Variants in SLC38A8 observed in about 807,000 individuals in gnomAD.
SLC38A8 encodes solute carrier family 38 member 8.
A neutral mutation model predicts 46.0 loss-of-function variants in SLC38A8; 65 were observed. The observed-to-expected ratio is 1.41, with a 90% confidence interval of 1.16 to 1.74. The LOEUF is 1.74. Ranked by LOEUF, SLC38A8 falls within the 40% of genes most tolerant of loss-of-function variation. SLC38A8 has a pLI of 0.00. For missense variants in SLC38A8, 998 were observed against 567.9 expected, an observed-to-expected ratio of 1.76 and a Z score of -7.70; for synonymous variants, 447 against 243.7, an observed-to-expected ratio of 1.83 and a Z score of -7.77.
chr16:84,017,772 G>A (rs530678357), intron 7 of SLC38A8, among the ~76,000 whole-genome samples: 1 of 152,306 alleles, frequency 6.6e-6, no homozygotes, highest in East Asian at 1.9e-4. Flanking sequence ...CGCCAACAGG[G>A]TGACACTGCT....
chr16:84,036,798 G>T lies in SLC38A8; in HGVS notation c.292C>A (p.Pro98Thr). ...GCCTCACACAGCTTCCCAATGGCAGGGCCACACAGCCCCCTGACCACACCC... is the reference window on the plus strand; with the variant it reads ...GCCTCACACAGCTTCCCAATGGCAGTGCCACACAGCCCCCTGACCACACCC... ...YQGVVRGLCGPAIGKLCEACF... is the reference protein window; with the variant it reads ...YQGVVRGLCGTAIGKLCEACF... Residue 98 changes from proline (P) to threonine (T), a missense_variant, in exon 3 of 11, where the codon CCT (proline) becomes ACT (threonine). Transcript: ENST00000299709. 6.2e-7 allele frequency: 1 copy of T among 1,614,136 alleles called. No individual in the cohort carries two copies. The highest frequency in any genetic ancestry group is 8.5e-7 in the Non-Finnish European group (1 of 1,180,024).
chr16:84,033,555 G>A, intron 3 of SLC38A8, 86 bp from the exon 4 acceptor site: 2 of 1,462,118 alleles, frequency 1.4e-6, no homozygotes, highest in Non-Finnish European at 1.8e-6. Context: ...CCCTGGCTGG[G>A]GTTGGACATC....
At chr16:84,015,363 G>A (rs1335810982) in intron 9 of SLC38A8, among the ~76,000 whole-genome samples, 2 of 152,094 alleles carry the variant, frequency 1.3e-5, no homozygotes, top group African/African-American at 2.4e-5. Context: ...GGTTTCCTAA[G>A]AAACCATCCT....
rs187102297 is a variant in SLC38A8 at position 84,029,468 on chromosome 16, G to A, written c.690+26C>T. 7 of 1,613,224 alleles carry A rather than the reference G, an allele frequency of 4.3e-6. No homozygotes were observed. In the African/African-American group the frequency reaches 5.3e-5, roughly 12 times the overall value. The stretch of plus-strand genomic sequence containing the variant: ...ACCCACAGCCTCTGCAAACGCCACA[G>A]GCTGCAACACAGATGCTAAAATTAC... On this transcript the variant is annotated intron_variant, in intron 6 of 10. Transcript: ENST00000299709.
chr16:84,038,397 C>G (rs925363293), intron 2 of SLC38A8, among the ~76,000 whole-genome samples: 11 of 152,160 alleles, frequency 7.2e-5, no homozygotes, highest in African/African-American at 2.7e-4. Flanking sequence ...TCCCCCATGA[C>G]AGGTTGCTAT....
intron 5 of SLC38A8, among the ~76,000 whole-genome samples, chr16:84,031,247 G>T (rs1263493287): frequency 1.3e-5 from 2 of 152,040 alleles, no homozygotes; most frequent in Non-Finnish European, 2.9e-5. Context: ...CACCATGTTG[G>T]CAAGGTTGGT....
intron 1 of SLC38A8, among the ~76,000 whole-genome samples, 161 bp from the exon 2 acceptor site, chr16:84,042,320 A>G (rs981239134): frequency 6.6e-6 from 1 of 151,982 alleles, no homozygotes; most frequent in Non-Finnish European, 1.5e-5. Flanking sequence ...TGCTGCATGC[A>G]TCTGCCCACG....
intron 2 of SLC38A8, among the ~76,000 whole-genome samples, chr16:84,039,746 A>C (rs896923637): frequency 0.16 from 4,941 of 31,256 alleles, 148 homozygotes; most frequent in East Asian, 0.35. Context: ...AGACCTTCAA[A>C]AAAAAAAAAA....
At chr16:84,028,929 T>G (rs537574561) in intron 6 of SLC38A8, among the ~76,000 whole-genome samples, 2 of 152,200 alleles carry the variant, frequency 1.3e-5, no homozygotes, top group South Asian at 4.1e-4. Flanking sequence ...CTGCCAGGAT[T>G]CTACACATAT....
intron 10 of SLC38A8, among the ~76,000 whole-genome samples, chr16:84,010,281 G>C (rs1421392186): frequency 6.6e-6 from 1 of 151,850 alleles, no homozygotes; most frequent in Non-Finnish European, 1.5e-5. Context: ...ATGTTTGCTA[G>C]GCTGGTCTTG....
chr16:84,032,714 C>G (rs1364864781), intron 4 of SLC38A8, among the ~76,000 whole-genome samples: 1 of 152,334 alleles, frequency 6.6e-6, no homozygotes, highest in Middle Eastern at 3.4e-3. Flanking sequence ...CCTGCTGTTT[C>G]TATACAATGT....
At chr16:84,029,152 TCTGA>T (rs1261748979) in intron 6 of SLC38A8, among the ~76,000 whole-genome samples, 1 of 152,084 alleles carries the variant, frequency 6.6e-6, no homozygotes, top group East Asian at 1.9e-4. Context: ...AGGCCTCAGG[TCTGA>T]CTGCAGTCCT....
At chr16:84,021,406 G>A (rs754638971) in intron 7 of SLC38A8, among the ~76,000 whole-genome samples, 4 of 152,134 alleles carry the variant, frequency 2.6e-5, no homozygotes, top group Non-Finnish European at 4.4e-5. Context: ...AAACCCTCAG[G>A]CATGGACACA....
At chr16:84,013,508 G>A (rs2084983216) in intron 9 of SLC38A8, among the ~76,000 whole-genome samples, 1 of 128,566 alleles carries the variant, frequency 7.8e-6, no homozygotes, top group African/African-American at 3.0e-5. Flanking sequence ...TCGGCTCACT[G>A]CAACCTCCAC....
intron 3 of SLC38A8, among the ~76,000 whole-genome samples, chr16:84,033,720 A>G (rs1206213865): frequency 3.3e-5 from 5 of 152,206 alleles, no homozygotes; most frequent in African/African-American, 9.6e-5. Flanking sequence ...CTAAGGCCCA[A>G]GATGAGGCGA....
intron 10 of SLC38A8, among the ~76,000 whole-genome samples, chr16:84,011,904 G>A (rs996962595): frequency 6.6e-6 from 1 of 152,092 alleles, no homozygotes; most frequent in South Asian, 2.1e-4. Flanking sequence ...ATAAATAAAA[G>A]CAGAGGGATT....
chr16:84,011,756 C>T (rs113190222), intron 10 of SLC38A8, among the ~76,000 whole-genome samples: 7,302 of 152,162 alleles, frequency 0.048, 218 homozygotes, highest in South Asian at 0.1. Flanking sequence ...TGATGGTGGG[C>T]GTCTGTGGTC....
chr16:84,027,549 G>C (rs140973929), intron 6 of SLC38A8, among the ~76,000 whole-genome samples: 2,036 of 152,286 alleles, frequency 0.013, 21 homozygotes, highest in Non-Finnish European at 0.022. Context: ...CAGAGTTCCT[G>C]ATGACAGTAT....
intron 10 of SLC38A8, among the ~76,000 whole-genome samples, chr16:84,011,686 G>C (rs369638327): frequency 9.0e-4 from 137 of 152,300 alleles, no homozygotes; most frequent in African/African-American, 3.2e-3. Flanking sequence ...ATACAACCTA[G>C]ATTTAGGGTG....
Sources: gnomAD v4.1 joint callset for allele counts (sites outside exome capture counted in the v4.1 genomes callset) on GRCh38, gnomAD v4.1.1 for gene constraint, MANE v1.5 for transcripts, NCBI Gene and HGNC (gene_info 2026-07-23, HGNC 2026-07-21) for gene names.